IPCEF1: variants seen among roughly 807,000 people sequenced by gnomAD.
IPCEF1 encodes the protein interaction protein for cytohesin exchange factors 1.
A neutral mutation model predicts 50.9 loss-of-function variants in IPCEF1; 31 were observed. That is an observed-to-expected ratio of 0.61 (90% confidence interval 0.46 to 0.82). IPCEF1 has a LOEUF of 0.82. Among genes scored for constraint, IPCEF1 ranks in the 40% least tolerant of loss-of-function variants. The pLI, the probability that IPCEF1 is intolerant of heterozygous loss-of-function variation, is 0.00. For missense variants in IPCEF1, 458 were observed against 514.0 expected (o/e 0.89, Z 1.05); for synonymous variants, 181 against 192.0 (o/e 0.94, Z 0.47).
At chr6:154,337,674 G>C (rs1783816254) in intron 1 of IPCEF1, among the ~76,000 whole-genome samples, 1 of 152,216 alleles carries the variant, frequency 6.6e-6, no homozygotes, top group Non-Finnish European at 1.5e-5. Context: ...AGAAAGGGGA[G>C]GAGGGAGGAA....
At chr6:154,219,320 G>A (rs567977427) in intron 7 of IPCEF1, 11 of 152,436 alleles carry the variant, frequency 7.2e-5, no homozygotes, top group African/African-American at 2.6e-4. Context: ...CCTCTTGCTG[G>A]AGAGAGGAAA....
At chr6:154,319,922 T>C (rs1297228321) in intron 1 of IPCEF1, among the ~76,000 whole-genome samples, 5 of 152,174 alleles carry the variant, frequency 3.3e-5, no homozygotes, top group Non-Finnish European at 7.4e-5. Flanking sequence ...AATCACAACA[T>C]AAATATCTGT....
chr6:154,200,412 C>A (rs1776965513), intron 9 of IPCEF1, among the ~76,000 whole-genome samples: 1 of 152,072 alleles, frequency 6.6e-6, no homozygotes, highest in Non-Finnish European at 1.5e-5. Context: ...ACTGATGGAA[C>A]AAGAAAGATA....
At chr6:154,182,357 T>A (rs1413851658) in intron 10 of IPCEF1, among the ~76,000 whole-genome samples, 1 of 152,206 alleles carries the variant, frequency 6.6e-6, no homozygotes, top group Non-Finnish European at 1.5e-5. Context: ...TATTGGGTGA[T>A]CTTTAATGGT....
chr6:154,281,275 C>T (rs1277695932), intron 2 of IPCEF1, among the ~76,000 whole-genome samples: 1 of 150,282 alleles, frequency 6.7e-6, no homozygotes, highest in Non-Finnish European at 1.5e-5. Context: ...ATTGCCTGAA[C>T]CCGGGAGGTG....
At chr6:154,268,664 A>G (rs1028277174) in intron 2 of IPCEF1, among the ~76,000 whole-genome samples, 1 of 152,098 alleles carries the variant, frequency 6.6e-6, no homozygotes, top group South Asian at 2.1e-4. Context: ...ACTTCCTACA[A>G]GTGAGGCTTT....
In IPCEF1 at chr6:154,246,601, C is replaced by T. The variant is rs537118109; in HGVS notation, c.236G>A (p.Ser79Asn). 19 of 1,612,614 alleles carry T rather than the reference C, an allele frequency of 1.2e-5. No homozygotes were observed. The highest frequency in any genetic ancestry group is 4.5e-5 in the East Asian group (2 of 44,880). Residue 79 changes from serine to asparagine, a missense_variant, in exon 5 of 12, where the codon AGC (serine) becomes AAC (asparagine). Coordinates refer to ENST00000367220, the MANE Select transcript of IPCEF1 (RefSeq NM_001130700.2). The part of the protein sequence containing the change: ...ILKGSSLYWY[S>N]NQMAEKADGF... ...AGAAAGCAGACTCACCATTTGATTG[C>T]TATACCAGTACAGTGACGACCCCTT...
At chr6:154,252,050 A>C (rs111252394) in intron 3 of IPCEF1, among the ~76,000 whole-genome samples, 1 of 152,358 alleles carries the variant, frequency 6.6e-6, no homozygotes, top group Non-Finnish European at 1.5e-5. Flanking sequence ...AATACTTGGT[A>C]TACAGCAGTA....
intron 1 of IPCEF1, among the ~76,000 whole-genome samples, chr6:154,320,179 AC>A (rs1368813849): frequency 1.3e-5 from 2 of 152,090 alleles, no homozygotes; most frequent in African/African-American, 2.4e-5. Flanking sequence ...AAACCCCAAA[AC>A]TCCTGAATTA....
chr6:154,273,914 C>T (rs1445019234), intron 2 of IPCEF1, among the ~76,000 whole-genome samples: 1 of 151,030 alleles, frequency 6.6e-6, no homozygotes, highest in Non-Finnish European at 1.5e-5. Flanking sequence ...CCACCACACC[C>T]GGCTAATTTT....
intron 2 of IPCEF1, among the ~76,000 whole-genome samples, chr6:154,282,427 A>C (rs1583942697): frequency 6.6e-6 from 1 of 152,180 alleles, no homozygotes; most frequent in African/African-American, 2.4e-5. Context: ...TCACGCCTGT[A>C]ATCCCAGCAC....
intron 5 of IPCEF1, among the ~76,000 whole-genome samples, chr6:154,244,262 C>T (rs1348329197): frequency 2.6e-5 from 4 of 151,368 alleles, no homozygotes; most frequent in African/African-American, 9.7e-5. Flanking sequence ...TTTTCCCTCA[C>T]AGTAAACATA....
In IPCEF1 at chr6:154,340,391, C is replaced by T. The variant is rs185367846; in HGVS notation, c.-62+16281G>A. 2.3e-3 allele frequency among the ~76,000 whole-genome samples: 343 copies of T among 152,016 alleles called. 1 individual carries two copies. Among genetic ancestry groups the T allele is most frequent in the African/African-American group, 7.8e-3 (322 of 41,484 alleles). On this transcript the variant is annotated intron_variant, in intron 1 of 11. Coordinates refer to ENST00000367220, the MANE Select transcript of IPCEF1 (RefSeq NM_001130700.2). The stretch of plus-strand genomic sequence containing the variant: ...CCAACCTCCCTAGTAGCTGGGATTA[C>T]AGGCGTGCACCACCAATGCCCAGTT...
Position 154,199,714 on chromosome 6 carries a change from A to T in IPCEF1, c.864T>A (p.His288Gln), listed in dbSNP as rs773393550. 3.1e-6 allele frequency: 5 copies of T among 1,613,856 alleles called. No homozygotes were observed. The highest frequency in any genetic ancestry group is 4.2e-6 in the Non-Finnish European group (5 of 1,179,884). ...CAGCAGGCTTATCTGGGACAGTAAG[A>T]TGGTCATGATTGCTACTCAATGAAG... ...DTSSLSSNHD[H>Q]LTVPDKPAGS... Residue 288 changes from histidine (H) to glutamine (Q), a missense_variant, in exon 10 of 12, where the codon CAT becomes CAA. Coordinates refer to ENST00000367220, the MANE Select transcript of IPCEF1 (RefSeq NM_001130700.2).
At chr6:154,180,615 C>T (rs996784825) in intron 10 of IPCEF1, among the ~76,000 whole-genome samples, 3 of 151,872 alleles carry the variant, frequency 2.0e-5, no homozygotes, top group African/African-American at 7.3e-5. Context: ...ATTTGGCTGT[C>T]GAGAACACTG....
At chr6:154,343,485 C>A (rs1193158380) in intron 1 of IPCEF1, among the ~76,000 whole-genome samples, 1 of 152,156 alleles carries the variant, frequency 6.6e-6, no homozygotes, top group Non-Finnish European at 1.5e-5. Context: ...TATCATCAAA[C>A]TTCCAAAATG....
rs80066323 is a variant in IPCEF1 at position 154,207,383 on chromosome 6, A to G, written c.537+5387T>C. The stretch of plus-strand genomic sequence containing the variant: ...TTCTGTCTACCTTTTTCTTGTATAT[A>G]TAGTCACTGAGAATTTTTCACCCAA... On this transcript the variant is annotated intron_variant, in intron 9 of 11. Coordinates refer to ENST00000367220, the MANE Select transcript of IPCEF1 (RefSeq NM_001130700.2). Among the ~76,000 whole-genome samples, 775 of 152,336 alleles carry G rather than the reference A, an allele frequency of 5.1e-3. 9 individuals are homozygous for G. The highest frequency in any genetic ancestry group is 0.018 in the African/African-American group (744 of 41,584).
At chr6:154,327,999 T>C (rs1038503225) in intron 1 of IPCEF1, among the ~76,000 whole-genome samples, 7 of 151,966 alleles carry the variant, frequency 4.6e-5, no homozygotes, top group Admixed American at 3.9e-4. Flanking sequence ...ATGTTCTCAG[T>C]GAGAGCTGAA....
chr6:154,331,421 A>AAG (rs1178367412), intron 1 of IPCEF1, among the ~76,000 whole-genome samples: 8 of 148,250 alleles, frequency 5.4e-5, no homozygotes, highest in Admixed American at 5.4e-4. Context: ...GAGAAAAAGA[A>AAG]AGAGAGAGAG....
Sources: gnomAD v4.1 joint callset for allele counts (sites outside exome capture counted in the v4.1 genomes callset) on GRCh38, gnomAD v4.1.1 for gene constraint, MANE v1.5 for transcripts, NCBI Gene and HGNC (gene_info 2026-07-23, HGNC 2026-07-21) for gene names.